POLR3B: variants seen among roughly 807,000 people sequenced by gnomAD.
POLR3B encodes RNA polymerase III subunit B.
Under a neutral mutation model 147.4 loss-of-function variants are expected in POLR3B, and 96 were observed. The ratio of observed to expected loss-of-function variants is 0.65; its 90% confidence interval spans 0.55 to 0.77. The LOEUF is 0.77. Among genes scored for constraint, POLR3B ranks in the 30% least tolerant of loss-of-function variants. The probability of loss-of-function intolerance (pLI) is 0.00; values close to 1 mark genes in which losing one functional copy is unlikely to be tolerated. For missense variants in POLR3B, 1,036 were observed against 1,413.5 expected (o/e 0.73, Z 4.28); for synonymous variants, 461 against 485.9 (o/e 0.95, Z 0.67).
At chr12:106,444,330 GTT>G (rs2037693905) in intron 18 of POLR3B, 131 bp from the exon 19 acceptor site, 1 of 814,692 alleles carries the variant, frequency 1.2e-6, no homozygotes, top group African/African-American at 1.7e-5. Context: ...TATTTTACCA[GTT>G]TTACTAGCAT....
intron 6 of POLR3B, among the ~76,000 whole-genome samples, chr12:106,375,652 C>A (rs527353279): frequency 4.8e-4 from 73 of 152,168 alleles, no homozygotes; most frequent in African/African-American, 1.8e-3. Flanking sequence ...TTAAAATTTC[C>A]ATTTCTAGTA....
chr12:106,378,521 A>G (rs1019919928), intron 8 of POLR3B, 137 bp downstream of exon 8: 11 of 620,700 alleles, frequency 1.8e-5, no homozygotes, highest in Non-Finnish European at 2.9e-5. Context: ...TCTGCATTCA[A>G]TTTATTATGA....
chr12:106,498,199 A>C (rs12231768), intron 25 of POLR3B, among the ~76,000 whole-genome samples: 39,045 of 152,092 alleles, frequency 0.26, 6,383 homozygotes, highest in East Asian at 0.69. Flanking sequence ...AAGAGTGTTT[A>C]AGGGAGAGGA....
intron 23 of POLR3B, among the ~76,000 whole-genome samples, chr12:106,474,765 T>C (rs1276555498): frequency 6.7e-6 from 1 of 149,962 alleles, no homozygotes; most frequent in African/African-American, 2.5e-5. Flanking sequence ...TTTTTTTCTT[T>C]ATTAGTCTTG....
chr12:106,479,218 T>A (rs1327619956), intron 23 of POLR3B, among the ~76,000 whole-genome samples: 1 of 152,106 alleles, frequency 6.6e-6, no homozygotes, highest in Non-Finnish European at 1.5e-5. Flanking sequence ...TTCTTAGTGA[T>A]CAAATATTGG....
At chr12:106,440,682 A>C (rs1298072808) in intron 18 of POLR3B, among the ~76,000 whole-genome samples, 2 of 150,454 alleles carry the variant, frequency 1.3e-5, no homozygotes, top group African/African-American at 4.9e-5. Context: ...TGACCACTCT[A>C]GTGAAAGTAG....
intron 10 of POLR3B, among the ~76,000 whole-genome samples, chr12:106,398,464 C>CT (rs1368369548): frequency 5.9e-5 from 9 of 152,346 alleles, no homozygotes; most frequent in African/African-American, 2.2e-4. Context: ...ATGTCCCTCT[C>CT]TGACAGCTTT....
chr12:106,509,659 TC>T lies in POLR3B; in HGVS notation c.*111del. ...CTGTGAAGAATTCCCTTGCGTATTCTCTCTCTAAAACAACCAAAAAAAAATG... is the reference window on the plus strand; with the variant it reads ...CTGTGAAGAATTCCCTTGCGTATTCTTCTCTAAAACAACCAAAAAAAAATG... On this transcript the variant is annotated 3_prime_UTR_variant, in exon 28 of 28. Coordinates refer to ENST00000228347, the MANE Select transcript of POLR3B (RefSeq NM_018082.6). 9.6e-7 allele frequency: 1 copy of T among 1,043,442 alleles called. No homozygotes were observed. The highest frequency in any genetic ancestry group is 1.4e-6 in the Non-Finnish European group (1 of 697,412). The allele number at this position is 1,043,442 out of a possible 1,614,324, so 64.6% of individuals were successfully genotyped here.
At chr12:106,452,445 C>G (rs909801584) in intron 19 of POLR3B, among the ~76,000 whole-genome samples, 4 of 152,158 alleles carry the variant, frequency 2.6e-5, no homozygotes, top group African/African-American at 9.7e-5. Flanking sequence ...CAGTCTCTTT[C>G]ACCATTGTTT....
intron 9 of POLR3B, chr12:106,381,902 A>G (rs1243501349): frequency 6.6e-6 from 1 of 152,218 alleles, no homozygotes; most frequent in African/African-American, 2.4e-5. Context: ...TTTTCTGGGA[A>G]AGGGGTGGGG....
chr12:106,363,991 A>G (rs1592998400), intron 2 of POLR3B, 89 bp downstream of exon 2: 1 of 1,008,714 alleles, frequency 9.9e-7, no homozygotes, highest in Admixed American at 1.9e-5. Flanking sequence ...AATTTTTGTC[A>G]TCAACATTTT....
chr12:106,442,011 C>T (rs2037657936), intron 18 of POLR3B, among the ~76,000 whole-genome samples: 3 of 149,920 alleles, frequency 2.0e-5, no homozygotes, highest in South Asian at 2.1e-4. Flanking sequence ...ACCCGGGAGG[C>T]GGAGGTTGCA....
chr12:106,507,040 A>T (rs1223962056), intron 27 of POLR3B, among the ~76,000 whole-genome samples: 1 of 152,160 alleles, frequency 6.6e-6, no homozygotes, highest in African/African-American at 2.4e-5. Context: ...TGCTATGGGG[A>T]TGTTTACAGC....
At chr12:106,434,852 C>T (rs924058823) in intron 16 of POLR3B, among the ~76,000 whole-genome samples, 5 of 152,128 alleles carry the variant, frequency 3.3e-5, no homozygotes, top group African/African-American at 1.2e-4. Context: ...CATTGGCAGG[C>T]TTCTTGGGAT....
intron 20 of POLR3B, among the ~76,000 whole-genome samples, chr12:106,455,853 A>G (rs544602186): frequency 6.6e-6 from 1 of 152,292 alleles, no homozygotes; most frequent in African/African-American, 2.4e-5. Context: ...CTGACGTCCA[A>G]TTTTAGAAAT....
chr12:106,500,146 G>C (rs2038574643), intron 25 of POLR3B: 1 of 455,868 alleles, frequency 2.2e-6, no homozygotes, highest in Admixed American at 2.4e-5. Flanking sequence ...CTGGATCGTT[G>C]TGTGGATTAA....
At chr12:106,384,778 T>C (rs1300462975) in intron 9 of POLR3B, among the ~76,000 whole-genome samples, 1 of 152,148 alleles carries the variant, frequency 6.6e-6, no homozygotes, top group Non-Finnish European at 1.5e-5. Flanking sequence ...AGGCATGAGT[T>C]ATAGTGCTGT....
At chr12:106,487,051 A>C (rs1485498676) in intron 23 of POLR3B, among the ~76,000 whole-genome samples, 1 of 152,260 alleles carries the variant, frequency 6.6e-6, no homozygotes, top group Admixed American at 6.5e-5. Flanking sequence ...AAGGAGCCAC[A>C]CAATAACCCA....
intron 16 of POLR3B, among the ~76,000 whole-genome samples, chr12:106,434,759 G>A (rs554486489): frequency 2.0e-4 from 30 of 152,248 alleles, no homozygotes; most frequent in African/African-American, 7.2e-4. Context: ...AGCTGGGAGA[G>A]TGACTGCATG....
Sources: allele counts gnomAD v4.1 joint callset (sites outside exome capture counted in the v4.1 genomes callset), GRCh38; gene constraint gnomAD v4.1.1; transcripts MANE v1.5; gene names NCBI Gene and HGNC (gene_info 2026-07-23, HGNC 2026-07-21).